The following RAD51B variants were observed in gnomAD, a reference collection of about 807,000 sequenced individuals.
The protein encoded by RAD51B is DNA repair protein RAD51 homolog 2.
In RAD51B, 38 loss-of-function variants were observed where a neutral mutation model predicts 42.2. That is an observed-to-expected ratio of 0.90 (90% CI 0.70 to 1.18). The LOEUF is 1.18. Ranked by LOEUF, RAD51B falls within the 50% of genes most tolerant of loss-of-function variation. The probability of loss-of-function intolerance (pLI) is 0.00; values close to 1 mark genes in which losing one functional copy is unlikely to be tolerated. For synonymous variants in RAD51B, 154 were observed against 145.2 expected (o/e 1.06, Z -0.43); for missense variants, 373 against 400.7 (o/e 0.93, Z 0.59).
At chr14:68,058,497 A>G (rs2076516193) in intron 7 of RAD51B, among the ~76,000 whole-genome samples, 1 of 152,214 alleles carries the variant, frequency 6.6e-6, no homozygotes, top group African/African-American at 2.4e-5. Context: ...TAATCTGTGC[A>G]CAAACAAGCA....
At chr14:68,616,295 T>C (rs1349054575), downstream of RAD51B, among the ~76,000 whole-genome samples, 1 of 152,168 alleles carries the variant, frequency 6.6e-6, no homozygotes, top group Non-Finnish European at 1.5e-5. Context: ...TTCTTTAGGG[T>C]AGATCTGCTG....
At chr14:68,552,895 T>C (rs926667109) in intron 10 of RAD51B, among the ~76,000 whole-genome samples, 15 of 152,230 alleles carry the variant, frequency 9.9e-5, no homozygotes, top group Admixed American at 2.0e-4. Flanking sequence ...GCAGCTTTTC[T>C]AAGGAGAAAT....
chr14:67,975,645 C>CGTACAGAAAACAAAATAGAG (rs1282265278), intron 7 of RAD51B, among the ~76,000 whole-genome samples: 4 of 152,158 alleles, frequency 2.6e-5, no homozygotes, highest in African/African-American at 7.2e-5. Flanking sequence ...AGGAAAGTGA[C>CGTACAGAAAACAAAATAGAG]GTACAGAAAA....
At chr14:68,313,019 CATCAACCACCA>C (rs2081992405) in intron 8 of RAD51B, among the ~76,000 whole-genome samples, 1 of 152,150 alleles carries the variant, frequency 6.6e-6, no homozygotes, top group African/African-American at 2.4e-5. Context: ...CAGCACTGTG[CATCAACCACCA>C]AATGATTTTA....
intron 7 of RAD51B, among the ~76,000 whole-genome samples, chr14:67,920,769 C>T (rs2044297601): frequency 6.6e-6 from 1 of 152,164 alleles, no homozygotes; most frequent in South Asian, 2.1e-4. Flanking sequence ...ATCATTCCCA[C>T]CCTCCGATAA....
At chr14:68,326,044 T>C (rs1294750993) in intron 8 of RAD51B, among the ~76,000 whole-genome samples, 17 of 140,376 alleles carry the variant, frequency 1.2e-4, no homozygotes, top group African/African-American at 3.7e-4. Flanking sequence ...TTTTCTTTTT[T>C]TTTTTTTTTT....
chr14:67,862,630 T>C (rs2042201213), intron 4 of RAD51B, among the ~76,000 whole-genome samples: 2 of 152,202 alleles, frequency 1.3e-5, no homozygotes, highest in South Asian at 4.1e-4. Context: ...AATCCTTGCA[T>C]CTTTGTAATT....
rs558891617 is a variant in RAD51B at position 68,666,569 on chromosome 14, T to G, written c.*11+15713T>G. On this transcript the variant is annotated intron_variant, in intron 11 of 11. Transcript: ENST00000488612. ...GGTGAACCCCAGGCAGGAAGTTCCATCAGCAAGCATCATGTCTTTGGAAAT... is the reference window on the plus strand; with the variant it reads ...GGTGAACCCCAGGCAGGAAGTTCCAGCAGCAAGCATCATGTCTTTGGAAAT... Among the ~76,000 whole-genome samples, 44 of 152,254 alleles carry G rather than the reference T, an allele frequency of 2.9e-4. No individual in the cohort carries two copies. In the South Asian group the frequency reaches 9.1e-3, roughly 32 times the overall value.
At chr14:68,315,328 C>T (rs915522105) in intron 8 of RAD51B, among the ~76,000 whole-genome samples, 5 of 152,156 alleles carry the variant, frequency 3.3e-5, no homozygotes, top group Admixed American at 6.5e-5. Context: ...ACCCATCTTT[C>T]GTCAGATCAA....
intron 8 of RAD51B, among the ~76,000 whole-genome samples, chr14:68,309,938 T>G (rs2081936468): frequency 6.6e-6 from 1 of 152,224 alleles, no homozygotes; most frequent in African/African-American, 2.4e-5. Flanking sequence ...ATATGGAATA[T>G]TCTTAGACAT....
At chr14:68,162,630 A>C (rs1233941617) in intron 7 of RAD51B, among the ~76,000 whole-genome samples, 1 of 152,074 alleles carries the variant, frequency 6.6e-6, no homozygotes, top group Non-Finnish European at 1.5e-5. Context: ...CTAAAAATAC[A>C]AAAAATTAGC....
In RAD51B at chr14:68,544,614, C is replaced by G. The variant is rs529790766; in HGVS notation, c.1037-49871C>G. On this transcript the variant is annotated intron_variant, in intron 10 of 10. Coordinates refer to the RAD51B transcript ENST00000487270. ...CTAAAGAGATAGGACTAATGAAATG[C>G]TCAGGTCAGGGGTGGGGTGCTTTCT... is the stretch of plus-strand genomic sequence containing the variant. 2.0e-5 allele frequency among the ~76,000 whole-genome samples: 3 copies of G among 152,216 alleles called. No individual in the cohort carries two copies. The South Asian group carries it at 6.2e-4, about 32-fold the overall frequency.
At chr14:68,489,029 C>G (rs946493371) in intron 10 of RAD51B, among the ~76,000 whole-genome samples, 2 of 152,132 alleles carry the variant, frequency 1.3e-5, no homozygotes, top group South Asian at 4.1e-4. Flanking sequence ...TCTCAGCTCA[C>G]CACAACCTCC....
chr14:68,200,814 T>A (rs1379157183), intron 7 of RAD51B, among the ~76,000 whole-genome samples: 1 of 151,902 alleles, frequency 6.6e-6, no homozygotes, highest in Non-Finnish European at 1.5e-5. Flanking sequence ...CCACTATGCC[T>A]AGCTAATTTT....
intron 7 of RAD51B, among the ~76,000 whole-genome samples, chr14:67,968,808 GT>G (rs1287224295): frequency 2.0e-5 from 3 of 152,156 alleles, no homozygotes; most frequent in Non-Finnish European, 4.4e-5. Context: ...GACTTCCAAA[GT>G]TGCTTCCACA....
At chr14:68,001,009 G>A (rs2075472309) in intron 7 of RAD51B, among the ~76,000 whole-genome samples, 1 of 151,664 alleles carries the variant, frequency 6.6e-6, no homozygotes, top group South Asian at 2.1e-4. Context: ...TCTCTATTTA[G>A]GTATTCTATA....
intron 7 of RAD51B, among the ~76,000 whole-genome samples, chr14:67,987,585 G>T (rs1044068521): frequency 6.6e-6 from 1 of 151,236 alleles, no homozygotes; most frequent in Non-Finnish European, 1.5e-5. Context: ...ACTCTTAGAA[G>T]ATCTTTTTTT....
At chr14:68,181,837 A>C (rs2079066106) in intron 7 of RAD51B, among the ~76,000 whole-genome samples, 1 of 152,232 alleles carries the variant, frequency 6.6e-6, no homozygotes, top group South Asian at 2.1e-4. Context: ...TTATGTCCTC[A>C]GAATTACACG....
At chr14:68,340,887 C>T (rs1021296451) in intron 8 of RAD51B, among the ~76,000 whole-genome samples, 5 of 152,212 alleles carry the variant, frequency 3.3e-5, no homozygotes, top group African/African-American at 1.2e-4. Context: ...CTTTGGCACT[C>T]AGAGATCTCT....
Sources: allele counts gnomAD v4.1 joint callset (sites outside exome capture counted in the v4.1 genomes callset), GRCh38; gene constraint gnomAD v4.1.1; transcripts MANE v1.5; gene names NCBI Gene and HGNC (gene_info 2026-07-23, HGNC 2026-07-21).